DNAJC17: variants seen among roughly 807,000 people sequenced by gnomAD.
DNAJC17 encodes dnaJ homolog subfamily C member 17.
A neutral mutation model predicts 48.1 loss-of-function variants in DNAJC17; 35 were observed. The ratio of observed to expected loss-of-function variants is 0.73; its 90% CI spans 0.56 to 0.96. DNAJC17 has a LOEUF of 0.96. Ranked by LOEUF, DNAJC17 falls within the 50% of genes least tolerant of loss-of-function variation. DNAJC17 has a pLI of 0.00. For missense variants in DNAJC17, 355 were observed against 377.1 expected (o/e 0.94, Z 0.48); for synonymous variants, 117 against 142.7 (o/e 0.82, Z 1.28).
At chr15:40,779,389 G>GC (rs1225530729) in intron 3 of DNAJC17, 79 bp from the exon 4 acceptor site, 23 of 1,570,388 alleles carry the variant, frequency 1.5e-5, no homozygotes, top group African/African-American at 2.7e-5. Flanking sequence ...CTGGCCCCTA[G>GC]CCCACGAGCC....
At chr15:40,799,224 CAAAA>C (rs34609538) in intron 1 of DNAJC17, among the ~76,000 whole-genome samples, 3 of 44,360 alleles carry the variant, frequency 6.8e-5, no homozygotes, top group Admixed American at 2.5e-4. Context: ...GACTCCATCT[CAAAA>C]AAAAAAAAAA....
At chr15:40,781,639 A>T (rs1889491710) in intron 1 of DNAJC17, among the ~76,000 whole-genome samples, 1 of 152,154 alleles carries the variant, frequency 6.6e-6, no homozygotes, top group South Asian at 2.1e-4. Flanking sequence ...TTTTGAGTTT[A>T]GTCCAGGTGC....
At chr15:40,782,309 T>A (rs1417152934) in intron 1 of DNAJC17, among the ~76,000 whole-genome samples, 1 of 152,098 alleles carries the variant, frequency 6.6e-6, no homozygotes, top group Non-Finnish European at 1.5e-5. Flanking sequence ...CAGTACCAGC[T>A]ACTAAGGAGG....
intron 1 of DNAJC17, among the ~76,000 whole-genome samples, chr15:40,800,922 T>C (rs540154217): frequency 1.3e-5 from 2 of 148,866 alleles, no homozygotes; most frequent in East Asian, 3.9e-4. Context: ...TGCGCCACCA[T>C]GCTCCAGCCT....
At chr15:40,796,408 A>G (rs1355069052) in intron 1 of DNAJC17, among the ~76,000 whole-genome samples, 2 of 152,194 alleles carry the variant, frequency 1.3e-5, no homozygotes, top group South Asian at 2.1e-4. Flanking sequence ...CTCTGAGCAG[A>G]TGATATTTGA....
Position 40,770,393 on chromosome 15 carries a change from C to A in DNAJC17, c.793-2331G>T. The A allele has an allele frequency of 8.5e-7, 1 of 1,179,030 alleles. No individual in the cohort carries two copies. The highest frequency in any genetic ancestry group is 2.6e-5 in the East Asian group (1 of 39,144). The allele number at this position is 1,179,030 out of a possible 1,614,324, so 73.0% of individuals were successfully genotyped here. On this transcript the variant is annotated intron_variant, in intron 10 of 10. Coordinates refer to ENST00000220496, the MANE Select transcript of DNAJC17 (RefSeq NM_018163.3). This position sits in a 1 kb window ranked among gnomAD's most constrained non-coding sequence, Gnocchi z 5.0. ...CTGAGTGGAAACCCTGAGGCCTCTG[C>A]TCCTAGGGGAGCCTCCCCAGCTGCT...
chr15:40,768,293 T>C (rs980712164), intron 10 of DNAJC17, among the ~76,000 whole-genome samples: 2 of 152,100 alleles, frequency 1.3e-5, no homozygotes, highest in African/African-American at 4.8e-5. Flanking sequence ...CCCCCTCCCT[T>C]TCCCCAGGCC....
rs1048422099 is a variant in DNAJC17 at position 40,765,583 on chromosome 15, G to A, written c.*2357C>T. ...CCTCAGTAGCTGGAACTATAGGCTC[G>A]TGATACTTTGCCTGGCTAAAGCTGA... On this transcript the variant is annotated 3_prime_UTR_variant, in exon 11 of 11. Transcript: ENST00000220496. 11 of 324,974 alleles carry A rather than the reference G, an allele frequency of 3.4e-5. No individual in the cohort carries two copies. The highest frequency in any genetic ancestry group is 5.6e-5 in the Non-Finnish European group (10 of 179,374). The allele number at this position is 324,974 out of a possible 1,614,324, so 20.1% of individuals were successfully genotyped here. A position where few individuals can be genotyped will look rare whatever the true frequency, so the allele number is the denominator to read the frequency against.
At chr15:40,780,024 C>T in intron 1 of DNAJC17, 27 bp from the exon 2 acceptor site, 1 of 1,607,666 alleles carries the variant, frequency 6.2e-7, no homozygotes, top group South Asian at 1.1e-5. Flanking sequence ...GAAGACATGG[C>T]CATTCACTCT....
rs1052455313 is a variant in DNAJC17, at chr15:40,770,537, C to T, written c.793-2475G>A. The T allele has an allele frequency of 6.4e-7, 1 of 1,550,526 alleles. No individual in the cohort carries two copies. Among genetic ancestry groups the T allele is most frequent in the Non-Finnish European group, 8.7e-7 (1 of 1,146,976 alleles). ...AAGGCTCCTTCCGCAACGCCTCCTT[C>T]TTCAAGCAGCTGAGCCTGGGGCGGC... On this transcript the variant is annotated intron_variant, in intron 10 of 10. Coordinates refer to ENST00000220496, the MANE Select transcript of DNAJC17 (RefSeq NM_018163.3). The surrounding 1 kb of genome is among the most constrained non-coding windows in gnomAD (Gnocchi z 5.0).
At chr15:40,800,688 TA>T (rs886592166) in intron 1 of DNAJC17, among the ~76,000 whole-genome samples, 179 of 140,994 alleles carry the variant, frequency 1.3e-3, no homozygotes, top group Admixed American at 1.4e-3. Flanking sequence ...CATAAGCCAT[TA>T]AAAAAAAAAA....
intron 1 of DNAJC17, among the ~76,000 whole-genome samples, chr15:40,786,439 G>A (rs1461506703): frequency 1.3e-5 from 2 of 152,188 alleles, no homozygotes; most frequent in Non-Finnish European, 2.9e-5. Context: ...TGAGGCGGGA[G>A]GATCGCTTGA....
At position 40,775,011 on chromosome 15, in the gene DNAJC17, T is replaced by C. The variant is rs1026397477; in HGVS notation, c.600+20A>G. ...CGTGGACTGAGATGATAGGAAAGAG[T>C]GGACGTCAACAGGGCCGACCTTCTG... On this transcript the variant is annotated intron_variant, in intron 8 of 10. Coordinates refer to ENST00000220496, the MANE Select transcript of DNAJC17 (RefSeq NM_018163.3). The C allele has an allele frequency of 1.9e-6, 3 of 1,613,184 alleles. No individual in the cohort carries two copies. The highest frequency in any genetic ancestry group is 1.7e-5 in the Admixed American group (1 of 59,934).
chr15:40,780,112 C>A (rs753894090), intron 1 of DNAJC17, 115 bp from the exon 2 acceptor site: 1 of 1,007,330 alleles, frequency 9.9e-7, no homozygotes, highest in South Asian at 1.4e-5. Flanking sequence ...AAGCTGCTGG[C>A]GCCCACTTCC....
Position 40,779,198 on chromosome 15 carries a change from CACCGAGCACTATGATGGCACCT to C in DNAJC17, c.295+3_295+24del. The C allele has an allele frequency of 6.2e-7, 1 of 1,609,390 alleles. No individual in the cohort carries two copies. ...AAAATGACCACAGGAAACCACAGGC[CACCGAGCACTATGATGGCACCT>C]ACCAAGCTTCACTTTCTTCCTTTTC... is the stretch of plus-strand genomic sequence containing the variant. On this transcript the variant is annotated splice_donor_5th_base_variant and intron_variant, in intron 4 of 10. Transcript: ENST00000220496.
At chr15:40,793,349 G>A (rs1196914240) in intron 1 of DNAJC17, among the ~76,000 whole-genome samples, 2 of 152,032 alleles carry the variant, frequency 1.3e-5, no homozygotes, top group Admixed American at 6.5e-5. Flanking sequence ...AGCGTTCACT[G>A]AGTATATAAC....
chr15:40,775,417 G>A (rs1409457092), intron 7 of DNAJC17, 136 bp downstream of exon 7: 6 of 1,018,938 alleles, frequency 5.9e-6, no homozygotes, highest in Admixed American at 2.0e-5. Flanking sequence ...GGAGCATGGA[G>A]GGAGGTGGTA....
intron 1 of DNAJC17, among the ~76,000 whole-genome samples, chr15:40,796,004 T>C (rs1889933367): frequency 6.6e-6 from 1 of 152,254 alleles, no homozygotes; most frequent in Non-Finnish European, 1.5e-5. Context: ...GAAGACTTCC[T>C]ACCTACCGGG....
chr15:40,768,623 G>A (rs1889027834), intron 10 of DNAJC17, among the ~76,000 whole-genome samples: 1 of 152,230 alleles, frequency 6.6e-6, no homozygotes, highest in Non-Finnish European at 1.5e-5. Flanking sequence ...CATGAGGCCA[G>A]CGTGCCTCTA....
Sources: gnomAD v4.1 joint callset for allele counts (sites outside exome capture counted in the v4.1 genomes callset) on GRCh38, gnomAD v4.1.1 for gene constraint, Gnocchi (gnomAD v3.1) non-coding constraint, MANE v1.5 for transcripts, NCBI Gene and HGNC (gene_info 2026-07-23, HGNC 2026-07-21) for gene names.